NRXN3: variants seen among roughly 807,000 people sequenced by gnomAD.
The protein encoded by NRXN3 is neurexin III.
A neutral mutation model predicts 137.6 loss-of-function variants in NRXN3; 32 were observed. The ratio of observed to expected loss-of-function variants is 0.23; its 90% confidence interval spans 0.18 to 0.31. The LOEUF (loss-of-function observed/expected upper bound fraction) is 0.31. Ranked by LOEUF, NRXN3 falls within the 10% of genes least tolerant of loss-of-function variation. NRXN3 has a pLI of 1.00. For missense variants in NRXN3, 1,574 were observed against 2,062.5 expected (o/e 0.76, Z 4.59); for synonymous variants, 798 against 784.5 (o/e 1.02, Z -0.29).
At chr14:78,760,437 A>G (rs1285221130) in intron 8 of NRXN3, among the ~76,000 whole-genome samples, 3 of 149,554 alleles carry the variant, frequency 2.0e-5, no homozygotes, top group African/African-American at 7.4e-5. Context: ...TAGGTGCTTT[A>G]TATATAGCGA....
chr14:78,965,407 G>A (rs940772889), intron 11 of NRXN3, among the ~76,000 whole-genome samples: 1 of 152,124 alleles, frequency 6.6e-6, no homozygotes, highest in Non-Finnish European at 1.5e-5. Flanking sequence ...GTGACAGTTA[G>A]GGGGGTAAAG....
At chr14:78,259,201 A>G (rs1238852713) in intron 2 of NRXN3, among the ~76,000 whole-genome samples, 1 of 152,144 alleles carries the variant, frequency 6.6e-6, no homozygotes, top group Non-Finnish European at 1.5e-5. Flanking sequence ...ATATGCGGTG[A>G]TGACGAACCT....
chr14:78,392,842 CTTAG>C (rs2090955906), intron 4 of NRXN3, among the ~76,000 whole-genome samples: 1 of 152,060 alleles, frequency 6.6e-6, no homozygotes, highest in Admixed American at 6.6e-5. Flanking sequence ...CCAGGTATCT[CTTAG>C]TTGGTTGGAT....
intron 10 of NRXN3, among the ~76,000 whole-genome samples, chr14:78,830,742 A>C (rs1241893880): frequency 6.6e-6 from 1 of 151,804 alleles, no homozygotes; most frequent in East Asian, 1.9e-4. Flanking sequence ...AAGCATTTTG[A>C]ATCTCTTCTC....
At chr14:78,789,674 C>A (rs1048610156) in intron 8 of NRXN3, among the ~76,000 whole-genome samples, 1 of 152,190 alleles carries the variant, frequency 6.6e-6, no homozygotes, top group African/African-American at 2.4e-5. Flanking sequence ...CGCCTAATAA[C>A]TATCATTCAC....
chr14:78,575,454 T>C (rs2096927652), intron 4 of NRXN3, among the ~76,000 whole-genome samples: 1 of 152,236 alleles, frequency 6.6e-6, no homozygotes, highest in African/African-American at 2.4e-5. Context: ...AATCATTGTA[T>C]GGTTTAAATA....
At chr14:79,598,552 G>C (rs2097887096) in intron 16 of NRXN3, among the ~76,000 whole-genome samples, 1 of 152,192 alleles carries the variant, frequency 6.6e-6, no homozygotes, top group South Asian at 2.1e-4. Context: ...GGATGTCAAA[G>C]GGCCATGTTA....
intron 16 of NRXN3, among the ~76,000 whole-genome samples, chr14:79,575,887 G>A (rs950009513): frequency 2.0e-5 from 3 of 152,116 alleles, no homozygotes; most frequent in African/African-American, 7.2e-5. Flanking sequence ...ACAATAGCCC[G>A]TCTGCTGCAA....
chr14:79,159,717 A>G (rs2060581567), intron 15 of NRXN3, among the ~76,000 whole-genome samples: 2 of 151,772 alleles, frequency 1.3e-5, no homozygotes, highest in Non-Finnish European at 2.9e-5. Context: ...CATAAATTTC[A>G]TGTCTGTCCT....
intron 10 of NRXN3, among the ~76,000 whole-genome samples, chr14:78,858,713 C>T (rs368178286): frequency 1.3e-5 from 2 of 152,074 alleles, no homozygotes. Flanking sequence ...CTCAGGTTTC[C>T]GGAGGACTTT....
chr14:79,495,518 C>G (rs2096757691), intron 16 of NRXN3, among the ~76,000 whole-genome samples: 1 of 152,092 alleles, frequency 6.6e-6, no homozygotes, highest in Non-Finnish European at 1.5e-5. Flanking sequence ...CCCATTACCC[C>G]TGTTAAAGTA....
intron 4 of NRXN3, among the ~76,000 whole-genome samples, chr14:78,437,558 A>T (rs981901614): frequency 2.6e-5 from 4 of 152,130 alleles, no homozygotes; most frequent in African/African-American, 7.2e-5. Flanking sequence ...CATGTTGGCC[A>T]GGCTGGTCTT....
At chr14:78,706,155 A>G (rs2098346087) in intron 6 of NRXN3, among the ~76,000 whole-genome samples, 1 of 152,084 alleles carries the variant, frequency 6.6e-6, no homozygotes, top group Non-Finnish European at 1.5e-5. Context: ...ACCTATTGTT[A>G]TACATTAATA....
chr14:79,048,444 G>C (rs1424632024), intron 15 of NRXN3, among the ~76,000 whole-genome samples: 1 of 152,074 alleles, frequency 6.6e-6, no homozygotes, highest in Non-Finnish European at 1.5e-5. Context: ...TCAATAAATT[G>C]ATTGACACCG....
intron 4 of NRXN3, among the ~76,000 whole-genome samples, chr14:78,592,789 C>G (rs1012741484): frequency 3.9e-5 from 6 of 152,154 alleles, no homozygotes; most frequent in African/African-American, 1.4e-4. Context: ...GGGTATTGTG[C>G]GTGACAACTG....
At chr14:78,795,867 T>C (rs1189009494) in intron 8 of NRXN3, among the ~76,000 whole-genome samples, 1 of 152,208 alleles carries the variant, frequency 6.6e-6, no homozygotes, top group Non-Finnish European at 1.5e-5. Flanking sequence ...AAAACATTTA[T>C]TCAAGACATC....
chr14:78,737,305 C>T (rs2098545383), intron 8 of NRXN3, among the ~76,000 whole-genome samples: 1 of 152,092 alleles, frequency 6.6e-6, no homozygotes, highest in African/African-American at 2.4e-5. Context: ...CCTATTGGTA[C>T]CCAAAGGTAC....
intron 2 of NRXN3, among the ~76,000 whole-genome samples, chr14:78,244,533 C>T (rs1019287527): frequency 1.3e-5 from 2 of 152,198 alleles, no homozygotes; most frequent in African/African-American, 4.8e-5. Flanking sequence ...AACTCCCCAT[C>T]ACTTCCTCTT....
chr14:78,821,461 G>C (rs2098950522), intron 10 of NRXN3, among the ~76,000 whole-genome samples: 1 of 152,110 alleles, frequency 6.6e-6, no homozygotes. Flanking sequence ...CCACTGACCA[G>C]AGTGACAATG....
Sources: gnomAD v4.1 joint callset for allele counts (sites outside exome capture counted in the v4.1 genomes callset) on GRCh38, gnomAD v4.1.1 for gene constraint, MANE v1.5 for transcripts, NCBI Gene and HGNC (gene_info 2026-07-23, HGNC 2026-07-21) for gene names.